Variants in GRPR observed in about 807,000 individuals in gnomAD.
GRPR encodes the protein gastrin releasing peptide receptor.
GRPR carries 4 observed loss-of-function variants against 15.6 expected under a neutral mutation model. The ratio of observed to expected loss-of-function variants is 0.26; its 90% CI spans 0.13 to 0.59. The LOEUF (loss-of-function observed/expected upper bound fraction) is 0.59. Among genes scored for constraint, GRPR ranks in the 20% least tolerant of loss-of-function variants. The probability of loss-of-function intolerance (pLI) is 0.90; values close to 1 mark genes in which losing one functional copy is unlikely to be tolerated. For synonymous variants in GRPR, 128 were observed against 126.8 expected, an observed-to-expected ratio of 1.01 and a Z score of -0.06; for missense variants, 270 against 304.1, an observed-to-expected ratio of 0.89 and a Z score of 0.83.
intron 1 of GRPR, among the ~76,000 whole-genome samples, chrX:16,146,582 C>A (rs1922608548): frequency 8.9e-6 from 1 of 111,833 alleles, no homozygotes; most frequent in South Asian, 3.8e-4. Flanking sequence ...GAAAGAGAAT[C>A]TCTTTAGTAG....
intron 1 of GRPR, among the ~76,000 whole-genome samples, chrX:16,136,725 A>T (rs1380991705): frequency 1.8e-5 from 2 of 112,099 alleles, no homozygotes; most frequent in Non-Finnish European, 3.8e-5. Flanking sequence ...TTTGTGGACC[A>T]TACAGTCTCT....
At chrX:16,151,598 C>G (rs1318249578) in intron 2 of GRPR, among the ~76,000 whole-genome samples, 2 of 112,113 alleles carry the variant, frequency 1.8e-5, no homozygotes, top group Non-Finnish European at 3.8e-5. Context: ...GTACCCCAAA[C>G]TCTTTATGGA....
intron 2 of GRPR, among the ~76,000 whole-genome samples, chrX:16,151,151 A>G (rs1056541089): frequency 8.9e-6 from 1 of 111,914 alleles, no homozygotes; most frequent in African/African-American, 3.2e-5. Flanking sequence ...TCTGAGCCTC[A>G]GTTTTCTTAC....
At chrX:16,136,712 G>C (rs924464943) in intron 1 of GRPR, among the ~76,000 whole-genome samples, 1 of 111,962 alleles carries the variant, frequency 8.9e-6, no homozygotes, top group African/African-American at 3.2e-5. Flanking sequence ...CAGCATATTA[G>C]GCTTTGTGGA....
intron 1 of GRPR, among the ~76,000 whole-genome samples, chrX:16,142,230 A>C (rs933229147): frequency 4.5e-5 from 5 of 112,307 alleles, no homozygotes. Flanking sequence ...AACTAGGATA[A>C]AATATTTAAC....
intron 1 of GRPR, among the ~76,000 whole-genome samples, chrX:16,136,363 G>A (rs1922449159): frequency 9.0e-6 from 1 of 111,498 alleles, no homozygotes; most frequent in African/African-American, 3.3e-5. Context: ...GCTCATTAAG[G>A]GCTTTTCCTA....
chrX:16,131,414 T>C (rs1481192633), intron 1 of GRPR, among the ~76,000 whole-genome samples: 5 of 112,268 alleles, frequency 4.5e-5, no homozygotes, highest in Non-Finnish European at 7.5e-5. Flanking sequence ...CCTTGGCCAC[T>C]GAATCTGAAG....
At chrX:16,131,224 T>A (rs1367699557) in intron 1 of GRPR, among the ~76,000 whole-genome samples, 1 of 112,134 alleles carries the variant, frequency 8.9e-6, no homozygotes, top group Non-Finnish European at 1.9e-5. Flanking sequence ...ATTTTTGAGC[T>A]TGTAAGTCCT....
intron 1 of GRPR, among the ~76,000 whole-genome samples, chrX:16,135,025 G>A (rs755127105): frequency 9.0e-6 from 1 of 111,431 alleles, no homozygotes; most frequent in African/African-American, 3.3e-5. Context: ...TCTTTAAAGA[G>A]GCATTCAGAG....
intron 1 of GRPR, among the ~76,000 whole-genome samples, chrX:16,133,915 G>A (rs1034021312): frequency 9.0e-6 from 1 of 111,206 alleles, no homozygotes; most frequent in Non-Finnish European, 1.9e-5. Flanking sequence ...AATTAGTTTT[G>A]GAAAATTCTC....
chrX:16,135,578 A>G (rs1205029573), intron 1 of GRPR, among the ~76,000 whole-genome samples: 1 of 112,377 alleles, frequency 8.9e-6, no homozygotes, highest in Non-Finnish European at 1.9e-5. Flanking sequence ...CTGTCTACAT[A>G]TAAATAGAAT....
In GRPR at chrX:16,152,987, A is replaced by C. The variant is rs145395626; in HGVS notation, c.*342A>C. ...AGAAACTGTATGAACAACCAGATTT[A>C]CATAGCAGAGAAATCATACATTGAA... On this transcript the variant is annotated 3_prime_UTR_variant, in exon 3 of 3. Transcript: ENST00000380289. 388 of 254,909 alleles carry C rather than the reference A, an allele frequency of 1.5e-3. 1 individual carries two copies. Among genetic ancestry groups the C allele is most frequent in the African/African-American group, 0.01 (369 of 36,799 alleles). The allele number at this position is 254,909 out of a possible 1,213,427, so 21.0% of individuals were successfully genotyped here.
intron 1 of GRPR, among the ~76,000 whole-genome samples, chrX:16,135,714 A>G (rs997388516): frequency 8.9e-6 from 1 of 112,401 alleles, no homozygotes; most frequent in African/African-American, 3.2e-5. Context: ...TTTAAATACA[A>G]TCTTAAAACA....
At chrX:16,149,593 A>G (rs1476485533) in intron 1 of GRPR, among the ~76,000 whole-genome samples, 4 of 106,007 alleles carry the variant, frequency 3.8e-5, no homozygotes, top group African/African-American at 7.0e-5. Flanking sequence ...AAAATACTCA[A>G]CGACTTAAGG....
chrX:16,139,986 G>C (rs1023309975), intron 1 of GRPR, among the ~76,000 whole-genome samples: 2 of 112,058 alleles, frequency 1.8e-5, no homozygotes, highest in Non-Finnish European at 3.8e-5. Flanking sequence ...AAGAAACGGA[G>C]ACAACATGCT....
Position 16,123,950 on chromosome X carries a change from A to G in GRPR, c.-4A>G. On this transcript the variant is annotated 5_prime_UTR_variant, in exon 1 of 3. Coordinates refer to ENST00000380289, the MANE Select transcript of GRPR (RefSeq NM_005314.3). ...AACTTTTAGGTGGGAAAAAAAATCT[A>G]GAGATGGCTCTAAATGACTGTTTCC... 2 of 1,204,685 alleles carry G rather than the reference A, an allele frequency of 1.7e-6. No homozygotes were observed. Among genetic ancestry groups the G allele is most frequent in the Non-Finnish European group, 2.2e-6 (2 of 889,768 alleles).
chrX:16,126,542 T>C (rs1922295352), intron 1 of GRPR, among the ~76,000 whole-genome samples: 1 of 111,847 alleles, frequency 8.9e-6, no homozygotes, highest in Non-Finnish European at 1.9e-5. Context: ...CATAACCAGA[T>C]GGAGATATAG....
intron 2 of GRPR, 110 bp from the exon 3 acceptor site, chrX:16,152,146 C>A: frequency 2.9e-6 from 2 of 678,643 alleles, no homozygotes; most frequent in Non-Finnish European, 4.8e-6. Context: ...TCCTCTATTG[C>A]CCTAATTGTT....
In GRPR at chrX:16,124,268, A is replaced by G; in HGVS notation, c.315A>G (p.Arg105=). 1 of 1,209,453 alleles carries G rather than the reference A, an allele frequency of 8.3e-7. No homozygotes were observed. Among genetic ancestry groups the G allele is most frequent in the Admixed American group, 2.2e-5 (1 of 46,082 alleles). ...ATGCCAGCAGGTACCTGGCTGACAG[A>G]TGGCTATTTGGCAGGATTGGCTGCA... is the stretch of plus-strand genomic sequence containing the variant. ...PVDASRYLAD[R]WLFGRIGCKL... The change falls in exon 1 of 3, where the codon AGA becomes AGG. Residue 105 remains arginine (R), a synonymous_variant. Coordinates refer to ENST00000380289, the MANE Select transcript of GRPR (RefSeq NM_005314.3).
Sources: allele counts gnomAD v4.1 joint callset (sites outside exome capture counted in the v4.1 genomes callset), GRCh38; gene constraint gnomAD v4.1.1; transcripts MANE v1.5; gene names NCBI Gene and HGNC (gene_info 2026-07-23, HGNC 2026-07-21).